Variants in GRK5 observed in about 807,000 individuals in gnomAD.
GRK5 encodes G protein-coupled receptor kinase 5.
Under a neutral mutation model 78.4 loss-of-function variants are expected in GRK5, and 40 were observed. The observed-to-expected ratio is 0.51, with a 90% CI of 0.40 to 0.66. GRK5 has a LOEUF of 0.66. GRK5 is among the 30% of genes least tolerant of loss of function. The pLI is 0.00. For synonymous variants in GRK5, 289 were observed against 296.8 expected, an observed-to-expected ratio of 0.97 and a Z score of 0.27; for missense variants, 598 against 759.9, an observed-to-expected ratio of 0.79 and a Z score of 2.50.
chr10:119,315,249 A>G (rs7907259), intron 1 of GRK5, among the ~76,000 whole-genome samples: 36 of 152,334 alleles, frequency 2.4e-4, no homozygotes, highest in African/African-American at 7.9e-4. Flanking sequence ...GGTCACCTCA[A>G]TACACTTGGC....
intron 8 of GRK5, among the ~76,000 whole-genome samples, chr10:119,434,028 A>C (rs533695853): frequency 1.3e-5 from 2 of 152,318 alleles, no homozygotes; most frequent in Admixed American, 6.5e-5. Flanking sequence ...GAAGAATGAG[A>C]ACCAAGTGAA....
intron 1 of GRK5, among the ~76,000 whole-genome samples, chr10:119,320,513 C>T (rs1447755520): frequency 6.6e-6 from 1 of 152,218 alleles, no homozygotes. Context: ...GACAGACTGA[C>T]CGACCAGTGC....
chr10:119,317,737 T>C (rs922262438), intron 1 of GRK5, among the ~76,000 whole-genome samples: 1 of 152,148 alleles, frequency 6.6e-6, no homozygotes, highest in South Asian at 2.1e-4. Flanking sequence ...TATTTTTCAG[T>C]CAACTTTTCC....
chr10:119,286,513 C>T (rs1009939896), intron 1 of GRK5, among the ~76,000 whole-genome samples: 2 of 152,208 alleles, frequency 1.3e-5, no homozygotes, highest in African/African-American at 4.8e-5. Flanking sequence ...GGCCCCAGGG[C>T]CCCCCTCAGC....
At chr10:119,419,044 A>G (rs1465494358) in intron 4 of GRK5, among the ~76,000 whole-genome samples, 5 of 152,300 alleles carry the variant, frequency 3.3e-5, no homozygotes, top group Middle Eastern at 3.4e-3. Context: ...AGCTCTCCTG[A>G]CACTCCTGAG....
intron 2 of GRK5, among the ~76,000 whole-genome samples, chr10:119,369,408 C>T (rs1032259773): frequency 7.2e-5 from 11 of 152,124 alleles, no homozygotes; most frequent in African/African-American, 2.2e-4. Flanking sequence ...TGGAAGGTCC[C>T]GCCACAGGCC....
At position 119,264,659 on chromosome 10, in the gene GRK5, T is replaced by A. The variant is rs1849465262; in HGVS notation, c.52+56690T>A. On this transcript the variant is annotated intron_variant, in intron 1 of 15. Coordinates refer to ENST00000392870, the MANE Select transcript of GRK5 (RefSeq NM_005308.3). The surrounding 1 kb of genome is among the most constrained non-coding windows in gnomAD (Gnocchi z 4.1). ...GATCGTCATGGACAGGGGTTCACGT[T>A]CTGTGCTTCGTGAGATCTGAGTCCT... is the stretch of plus-strand genomic sequence containing the variant. Among the ~76,000 whole-genome samples the A allele has an allele frequency of 6.6e-6, 1 of 152,140 alleles. No individual in the cohort carries two copies. The highest frequency in any genetic ancestry group is 1.5e-5 in the Non-Finnish European group (1 of 68,014).
rs1849725354 is a variant in GRK5, at chr10:119,279,523, G to GTGGGA, written c.53-46992_53-46988dup. ...AGGAGGGCTCGGTGCTACTAGGGGG[G>GTGGGA]TGGGAGTGGATGGTTAAGACCAACT... On this transcript the variant is annotated intron_variant, in intron 1 of 15. Transcript: ENST00000392870. Among the ~76,000 whole-genome samples the GTGGGA allele has an allele frequency of 2.0e-5, 3 of 152,274 alleles. No homozygotes were observed. The South Asian group carries it at 6.2e-4, about 32-fold the overall frequency.
intron 4 of GRK5, among the ~76,000 whole-genome samples, chr10:119,419,098 G>A (rs1236139783): frequency 1.3e-5 from 2 of 152,116 alleles, no homozygotes; most frequent in Non-Finnish European, 2.9e-5. Flanking sequence ...GAACCCACCC[G>A]GCCTGTAGGG....
intron 2 of GRK5, among the ~76,000 whole-genome samples, chr10:119,377,424 A>G (rs1231847050): frequency 6.6e-6 from 1 of 152,180 alleles, no homozygotes; most frequent in Non-Finnish European, 1.5e-5. Context: ...AGGAACTGTA[A>G]ATGTTGCACT....
Position 119,207,585 on chromosome 10 carries a change from C to A in GRK5, c.-333C>A. On this transcript the variant is annotated 5_prime_UTR_variant, in exon 1 of 16. Coordinates refer to ENST00000392870, the MANE Select transcript of GRK5 (RefSeq NM_005308.3). ...TGAGGGGAGGCAGAAGCATCCGAGGCATTAAAGCATCCGAGGGAGCCGGAG... is the reference window on the plus strand; with the variant it reads ...TGAGGGGAGGCAGAAGCATCCGAGGAATTAAAGCATCCGAGGGAGCCGGAG... The A allele has an allele frequency of 3.5e-6, 1 of 286,328 alleles. No individual in the cohort carries two copies. Among genetic ancestry groups the A allele is most frequent in the Non-Finnish European group, 6.6e-6 (1 of 150,544 alleles). The allele number at this position is 286,328 out of a possible 1,614,324, so 17.7% of individuals were successfully genotyped here.
intron 1 of GRK5, among the ~76,000 whole-genome samples, chr10:119,228,376 C>T (rs1003115355): frequency 5.6e-4 from 84 of 150,446 alleles, no homozygotes; most frequent in African/African-American, 1.9e-3. Context: ...AAAACCAACC[C>T]GCCCCCCCGC....
intron 1 of GRK5, among the ~76,000 whole-genome samples, chr10:119,268,360 C>G (rs1326465980): frequency 2.6e-5 from 4 of 152,194 alleles, no homozygotes; most frequent in Non-Finnish European, 4.4e-5. Context: ...GCCGGAGAAG[C>G]CCCAGCTTAG....
At chr10:119,453,937 CGGGGGAA>C (rs1253860007) in intron 15 of GRK5, among the ~76,000 whole-genome samples, 79 of 151,964 alleles carry the variant, frequency 5.2e-4, no homozygotes, top group Non-Finnish European at 9.6e-4. Context: ...GGAGGAAATG[CGGGGGAA>C]GGGCCCCCAC....
chr10:119,442,071 GCACTGTTGGCT>G lies in GRK5; in HGVS notation c.1041_1051del (p.Thr348HisfsTer26). 1 of 1,613,832 alleles carries G rather than the reference GCACTGTTGGCT, an allele frequency of 6.2e-7. No individual in the cohort carries two copies. The highest frequency in any genetic ancestry group is 8.5e-7 in the Non-Finnish European group (1 of 1,179,792). Reference sequence around the variant, plus strand: ...GGAGACCTGATCCGCGGCCGGGTGGGCACTGTTGGCTACATGGGTGAGTGCTGGGCTGCCTG... The same window carrying G: ...GGAGACCTGATCCGCGGCCGGGTGGGACATGGGTGAGTGCTGGGCTGCCTG... On this transcript the variant is annotated frameshift_variant, in exon 11 of 16. Transcript: ENST00000392870. LOFTEE classifies it high-confidence loss of function.
intron 2 of GRK5, among the ~76,000 whole-genome samples, chr10:119,352,601 A>G (rs962659040): frequency 7.9e-6 from 1 of 126,984 alleles, no homozygotes; most frequent in Non-Finnish European, 1.8e-5. Context: ...AGTGGCCCCA[A>G]TAAGCTCCTG....
rs1333114974 is a variant in GRK5 at position 119,238,912 on chromosome 10, G to C, written c.52+30943G>C. ...CTACCATGAAAGAGCAGAAAAAGCTGAGCAGAAAACTTTGTTTTGGAAAAG... is the reference window on the plus strand; with the variant it reads ...CTACCATGAAAGAGCAGAAAAAGCTCAGCAGAAAACTTTGTTTTGGAAAAG... On this transcript the variant is annotated intron_variant, in intron 1 of 15. Coordinates refer to ENST00000392870, the MANE Select transcript of GRK5 (RefSeq NM_005308.3). The surrounding 1 kb of genome is among the most constrained non-coding windows in gnomAD (Gnocchi z 4.7). Among the ~76,000 whole-genome samples the C allele has an allele frequency of 6.6e-6, 1 of 152,130 alleles. No homozygotes were observed. Among genetic ancestry groups the C allele is most frequent in the Non-Finnish European group, 1.5e-5 (1 of 68,030 alleles).
At chr10:119,376,879 T>C (rs1275149433) in intron 2 of GRK5, among the ~76,000 whole-genome samples, 1 of 152,200 alleles carries the variant, frequency 6.6e-6, no homozygotes, top group Non-Finnish European at 1.5e-5. Context: ...TACTCCCAAA[T>C]GTCTTACATA....
chr10:119,373,790 G>A (rs1284576358), intron 2 of GRK5, among the ~76,000 whole-genome samples: 2 of 152,154 alleles, frequency 1.3e-5, no homozygotes, highest in South Asian at 4.1e-4. Context: ...AGACTTGCTC[G>A]ACACGGGGTT....
Sources: allele counts gnomAD v4.1 joint callset (sites outside exome capture counted in the v4.1 genomes callset), GRCh38; gene constraint gnomAD v4.1.1; non-coding constraint Gnocchi (gnomAD v3.1); transcripts MANE v1.5; gene names NCBI Gene and HGNC (gene_info 2026-07-23, HGNC 2026-07-21).